Variants in OSBPL1A observed in about 807,000 individuals in gnomAD.
OSBPL1A encodes the protein oxysterol-binding protein-related protein 1.
In OSBPL1A, 80 loss-of-function variants were observed where a neutral mutation model predicts 137.1. The observed-to-expected ratio is 0.58, with a 90% CI of 0.49 to 0.70. The LOEUF (loss-of-function observed/expected upper bound fraction) is 0.70. Among genes scored for constraint, OSBPL1A ranks in the 30% least tolerant of loss-of-function variants. The pLI is 0.00. For missense variants in OSBPL1A, 970 were observed against 1,129.4 expected, an observed-to-expected ratio of 0.86 and a Z score of 2.02; for synonymous variants, 365 against 389.7, an observed-to-expected ratio of 0.94 and a Z score of 0.75.
At chr18:24,344,121 A>C (rs1417954146) in intron 4 of OSBPL1A, among the ~76,000 whole-genome samples, 1 of 152,238 alleles carries the variant, frequency 6.6e-6, no homozygotes, top group Non-Finnish European at 1.5e-5. Flanking sequence ...AACCAGATTA[A>C]AAAATGGGCA....
intron 1 of OSBPL1A, among the ~76,000 whole-genome samples, chr18:24,381,371 G>A (rs938324736): frequency 6.6e-6 from 1 of 152,200 alleles, no homozygotes; most frequent in Admixed American, 6.5e-5. Context: ...TATCAAGGGT[G>A]GAGGGTTCTT....
At chr18:24,233,452 T>C (rs1366272533) in intron 16 of OSBPL1A, among the ~76,000 whole-genome samples, 1 of 152,192 alleles carries the variant, frequency 6.6e-6, no homozygotes, top group Admixed American at 6.5e-5. Flanking sequence ...AAAATCACCA[T>C]GCATTCCTGA....
At chr18:24,168,221 C>T (rs2086189204) in intron 24 of OSBPL1A, among the ~76,000 whole-genome samples, 1 of 152,200 alleles carries the variant, frequency 6.6e-6, no homozygotes, top group African/African-American at 2.4e-5. Context: ...CTGCCTCAGC[C>T]TCCCAAAGCA....
At chr18:24,280,074 G>T (rs2089926636) in intron 15 of OSBPL1A, among the ~76,000 whole-genome samples, 1 of 151,980 alleles carries the variant, frequency 6.6e-6, no homozygotes, top group Non-Finnish European at 1.5e-5. Context: ...AGCCTCCCAA[G>T]TAGCTGGATT....
At chr18:24,265,760 G>A (rs1283737202) in intron 15 of OSBPL1A, among the ~76,000 whole-genome samples, 2 of 152,162 alleles carry the variant, frequency 1.3e-5, no homozygotes, top group African/African-American at 4.8e-5. Flanking sequence ...GTAACAGTGT[G>A]TCCATGTCTG....
At chr18:24,309,338 AACTC>A (rs1263187072) in intron 13 of OSBPL1A, among the ~76,000 whole-genome samples, 6 of 152,250 alleles carry the variant, frequency 3.9e-5, no homozygotes, top group African/African-American at 1.2e-4. Flanking sequence ...CTGAAAAACT[AACTC>A]ACTCTCTCTC....
intron 17 of OSBPL1A, among the ~76,000 whole-genome samples, chr18:24,197,930 G>A (rs1480560695): frequency 2.0e-5 from 3 of 151,928 alleles, no homozygotes; most frequent in African/African-American, 7.3e-5. Context: ...GGGATTTCAG[G>A]TGCCTGCCAC....
intron 18 of OSBPL1A, among the ~76,000 whole-genome samples, chr18:24,193,253 A>G (rs12456219): frequency 0.04 from 6,088 of 152,150 alleles, 430 homozygotes; most frequent in East Asian, 0.36. Context: ...TTTGGAAGCC[A>G]GGGTGGGTGG....
chr18:24,361,600 TG>T (rs1156891399), intron 4 of OSBPL1A, among the ~76,000 whole-genome samples: 3 of 152,216 alleles, frequency 2.0e-5, no homozygotes, highest in African/African-American at 7.2e-5. Flanking sequence ...TGAACTTATT[TG>T]ATCTAGGTGA....
At chr18:24,392,668 C>T (rs572565328) in intron 1 of OSBPL1A, among the ~76,000 whole-genome samples, 154 of 152,228 alleles carry the variant, frequency 1.0e-3, no homozygotes, top group African/African-American at 3.5e-3. Flanking sequence ...AAACCAGTAC[C>T]GTGCTTAGCC....
intron 15 of OSBPL1A, among the ~76,000 whole-genome samples, chr18:24,263,724 C>T (rs547606992): frequency 6.6e-6 from 1 of 152,278 alleles, no homozygotes; most frequent in South Asian, 2.1e-4. Context: ...CAACCTCCAC[C>T]TCCCGGGTTC....
At chr18:24,287,313 C>T (rs1158056966) in intron 14 of OSBPL1A, among the ~76,000 whole-genome samples, 2 of 152,140 alleles carry the variant, frequency 1.3e-5, no homozygotes, top group East Asian at 1.9e-4. Context: ...AGGGTTGAGC[C>T]ACATATGATC....
chr18:24,182,262 T>C (rs556231108), intron 18 of OSBPL1A, among the ~76,000 whole-genome samples: 37 of 152,356 alleles, frequency 2.4e-4, no homozygotes, highest in African/African-American at 6.7e-4. Context: ...AGGAAGTTTC[T>C]GACCTCAACT....
intron 13 of OSBPL1A, among the ~76,000 whole-genome samples, chr18:24,306,401 T>C (rs2090502070): frequency 6.6e-6 from 1 of 152,204 alleles, no homozygotes. Flanking sequence ...AGAGAAGTAA[T>C]TAATTCCAGG....
chr18:24,386,579 T>C (rs1014643455), intron 1 of OSBPL1A, among the ~76,000 whole-genome samples: 1 of 152,224 alleles, frequency 6.6e-6, no homozygotes, highest in Non-Finnish European at 1.5e-5. Flanking sequence ...TTTTCCCTTA[T>C]AATCTTTTAT....
At chr18:24,200,033 ATTTAT>A (rs957199327) in intron 17 of OSBPL1A, among the ~76,000 whole-genome samples, 69 of 152,364 alleles carry the variant, frequency 4.5e-4, no homozygotes, top group African/African-American at 1.6e-3. Context: ...AATTTTAGTA[ATTTAT>A]TTTATTTAAC....
rs373648828 is a variant in OSBPL1A at position 24,366,950 on chromosome 18, T to C, written c.224A>G (p.Asn75Ser). The change falls in exon 4 of 28, where the codon AAT becomes AGT. Residue 75 changes from asparagine (N) to serine (S), a missense_variant. Coordinates refer to ENST00000319481, the MANE Select transcript of OSBPL1A (RefSeq NM_080597.4). ...QDLLKAGAEVNVLNDMGDTPL... is the reference protein window; with the variant it reads ...QDLLKAGAEVSVLNDMGDTPL... Reference sequence around the variant, plus strand: ...CGTGTCTCCCATGTCATTCAACACATTCACTTCTGCACCAGCCTAGTAAAC... The same window carrying C: ...CGTGTCTCCCATGTCATTCAACACACTCACTTCTGCACCAGCCTAGTAAAC... The C allele has an allele frequency of 7.4e-6, 12 of 1,612,598 alleles. No individual in the cohort carries two copies. Among genetic ancestry groups the C allele is most frequent in the Non-Finnish European group, 1.0e-5 (12 of 1,179,358 alleles).
At chr18:24,192,699 G>C (rs11083007) in intron 18 of OSBPL1A, among the ~76,000 whole-genome samples, 1 of 151,970 alleles carries the variant, frequency 6.6e-6, no homozygotes, top group Admixed American at 6.5e-5. Flanking sequence ...CTGCAGACAC[G>C]GGGGGCCAAG....
At chr18:24,164,090 T>C (rs527397983) in intron 27 of OSBPL1A, among the ~76,000 whole-genome samples, 2 of 152,278 alleles carry the variant, frequency 1.3e-5, no homozygotes, top group African/African-American at 4.8e-5. Flanking sequence ...GTTAAATAAC[T>C]TGCCCAACCT....
Sources: gnomAD v4.1 joint callset for allele counts (sites outside exome capture counted in the v4.1 genomes callset) on GRCh38, gnomAD v4.1.1 for gene constraint, MANE v1.5 for transcripts, NCBI Gene and HGNC (gene_info 2026-07-23, HGNC 2026-07-21) for gene names.